Variants in ARHGEF10 observed in about 807,000 individuals in gnomAD.
ARHGEF10 encodes the protein Rho guanine nucleotide exchange factor (GEF) 10.
In ARHGEF10, 140 loss-of-function variants were observed where a neutral mutation model predicts 147.4. The ratio of observed to expected loss-of-function variants is 0.95; its 90% CI spans 0.83 to 1.09. The LOEUF (loss-of-function observed/expected upper bound fraction) is 1.09, where lower values mean the gene tolerates loss of function less well. Ranked by LOEUF, ARHGEF10 falls within the 50% of genes least tolerant of loss-of-function variation. The pLI is 0.00. For missense variants in ARHGEF10, 2,222 were observed against 1,752.7 expected, an observed-to-expected ratio of 1.27 and a Z score of -4.78; for synonymous variants, 902 against 695.8, an observed-to-expected ratio of 1.30 and a Z score of -4.67.
chr8:1,880,159 C>T lies in ARHGEF10; in HGVS notation c.955C>T (p.Leu319=), dbSNP rs1808058989. 1.2e-6 allele frequency: 2 copies of T among 1,611,948 alleles called. No individual in the cohort carries two copies. Among genetic ancestry groups the T allele is most frequent in the Non-Finnish European group, 1.7e-6 (2 of 1,178,116 alleles). ...TCAGCAGCTCAGGCAGAAGCATGAA[C>T]TGAAGGTAGAGTCTTGCCCCCGGCC... The part of the protein sequence containing the change: ...EIQQLRQKHE[L]KMQKLVKAAK... The change falls in exon 9 of 29, where the codon CTG becomes TTG. Residue 319 remains leucine, a synonymous_variant. Transcript: ENST00000349830.
At chr8:1,838,255 G>T (rs1452313208) in intron 1 of ARHGEF10, among the ~76,000 whole-genome samples, 1 of 152,212 alleles carries the variant, frequency 6.6e-6, no homozygotes, top group African/African-American at 2.4e-5. Flanking sequence ...AGCGTCCCAG[G>T]GAAAGATGAC....
chr8:1,825,790 G>A (rs1015420089), intron 1 of ARHGEF10, among the ~76,000 whole-genome samples: 3 of 152,162 alleles, frequency 2.0e-5, no homozygotes, highest in South Asian at 2.1e-4. Context: ...AAGATGTAAC[G>A]GGTTTTAATT....
intron 2 of ARHGEF10, 138 bp from the exon 3 acceptor site, chr8:1,857,822 A>G (rs1469642900): frequency 4.0e-6 from 3 of 755,948 alleles, no homozygotes; most frequent in East Asian, 5.4e-5. Context: ...GGTTAACTAC[A>G]AGCGCAGTAC....
chr8:1,861,900 T>G (rs1260908696), intron 4 of ARHGEF10, among the ~76,000 whole-genome samples: 2 of 152,226 alleles, frequency 1.3e-5, no homozygotes, highest in Non-Finnish European at 2.9e-5. Flanking sequence ...AAAATATTAT[T>G]TGATTATTTA....
At chr8:1,911,568 T>C (rs1287084881) in intron 18 of ARHGEF10, among the ~76,000 whole-genome samples, 1 of 152,224 alleles carries the variant, frequency 6.6e-6, no homozygotes, top group Non-Finnish European at 1.5e-5. Flanking sequence ...CTGTCTTGCA[T>C]TTACAGAGAA....
At chr8:1,890,129 C>T (rs973475324) in intron 11 of ARHGEF10, among the ~76,000 whole-genome samples, 3 of 110,798 alleles carry the variant, frequency 2.7e-5, no homozygotes, top group Non-Finnish European at 3.6e-5. Flanking sequence ...TGTGAGAAAA[C>T]GGAGTGGGGT....
At chr8:1,859,283 T>C (rs73176777) in intron 3 of ARHGEF10, among the ~76,000 whole-genome samples, 23,101 of 117,448 alleles carry the variant, frequency 0.2, 1,137 homozygotes, top group South Asian at 0.31. Context: ...GTTGTTTGCA[T>C]GGTGTTTCTT....
At chr8:1,894,328 C>T in intron 12 of ARHGEF10, 65 bp from the exon 13 acceptor site, 1 of 1,578,918 alleles carries the variant, frequency 6.3e-7, no homozygotes, top group Non-Finnish European at 8.7e-7. Flanking sequence ...GCACCCTGGA[C>T]AACAAAACAA....
At chr8:1,920,626 C>A (rs1812214019) in intron 18 of ARHGEF10, among the ~76,000 whole-genome samples, 1 of 152,128 alleles carries the variant, frequency 6.6e-6, no homozygotes, top group South Asian at 2.1e-4. Context: ...CCACAACCAG[C>A]CTATACTTGT....
At chr8:1,892,287 G>GTGTGTT (rs1229476124) in intron 11 of ARHGEF10, among the ~76,000 whole-genome samples, 2 of 142,978 alleles carry the variant, frequency 1.4e-5, no homozygotes, top group Admixed American at 1.4e-4. Flanking sequence ...CTGTGTGTGT[G>GTGTGTT]TGTGTGTGTG....
At chr8:1,931,014 G>C (rs1221280895) in intron 25 of ARHGEF10, among the ~76,000 whole-genome samples, 1 of 152,230 alleles carries the variant, frequency 6.6e-6, no homozygotes, top group Non-Finnish European at 1.5e-5. Flanking sequence ...CATGATTTCA[G>C]TTCTCCATGG....
chr8:1,884,690 C>T (rs1279063270), intron 10 of ARHGEF10, among the ~76,000 whole-genome samples: 2 of 152,198 alleles, frequency 1.3e-5, no homozygotes, highest in Non-Finnish European at 2.9e-5. Context: ...CTAAAAGTGC[C>T]TGTGCTTTTC....
At chr8:1,945,919 G>GCTGGGAGGAGCCAC in intron 27 of ARHGEF10, 1 of 615,822 alleles carries the variant, frequency 1.6e-6, no homozygotes, top group Non-Finnish European at 2.9e-6. Context: ...GGAGCCGCGT[G>GCTGGGAGGAGCCAC]GCAGTGCCAT....
intron 10 of ARHGEF10, among the ~76,000 whole-genome samples, chr8:1,884,528 C>T (rs1014754144): frequency 6.6e-6 from 1 of 152,126 alleles, no homozygotes; most frequent in Non-Finnish European, 1.5e-5. Flanking sequence ...GCTTTTAAAA[C>T]AGGCTGGTGC....
At chr8:1,955,076 T>C (rs866131633) in intron 28 of ARHGEF10, among the ~76,000 whole-genome samples, 14 of 97,644 alleles carry the variant, frequency 1.4e-4, no homozygotes, top group African/African-American at 2.1e-4. Context: ...TGAAAGGAGG[T>C]GCACTCTCAC....
At chr8:1,905,533 C>A (rs1001557311) in intron 16 of ARHGEF10, 38 bp from the exon 17 acceptor site, 9 of 1,613,918 alleles carry the variant, frequency 5.6e-6, no homozygotes, top group South Asian at 1.1e-5. Context: ...TCCGGGTAAA[C>A]TGAACTGTGG....
At position 1,864,431 on chromosome 8, in the gene ARHGEF10, A is replaced by C. The variant is rs1806411102; in HGVS notation, c.540A>C (p.Pro180=). Residue 180 remains proline (P), a synonymous_variant, in exon 5 of 29, where the codon CCA becomes CCC. Coordinates refer to ENST00000349830, the MANE Select transcript of ARHGEF10 (RefSeq NM_014629.4). The part of the protein sequence containing the change: ...QPNSLSSEEP[P]TSEDQVGRED... The stretch of plus-strand genomic sequence containing the variant: ...ATTCTCTGAGTTCCGAGGAGCCTCC[A>C]ACCAGGTATCTGCATCCGTCTTCCC... 6.2e-7 allele frequency: 1 copy of C among 1,613,868 alleles called. No homozygotes were observed. The highest frequency in any genetic ancestry group is 1.3e-5 in the African/African-American group (1 of 74,914).
At chr8:1,951,615 G>C (rs745590855) in intron 27 of ARHGEF10, among the ~76,000 whole-genome samples, 1 of 152,154 alleles carries the variant, frequency 6.6e-6, no homozygotes, top group Non-Finnish European at 1.5e-5. Flanking sequence ...GTCAAATGCA[G>C]GGATATTTAA....
intron 14 of ARHGEF10, among the ~76,000 whole-genome samples, chr8:1,897,545 C>A (rs113002879): frequency 5.6e-4 from 71 of 127,904 alleles, no homozygotes; most frequent in East Asian, 1.9e-3. Flanking sequence ...CGCAGTTCCC[C>A]CTCTGGACAG....
Sources: gnomAD v4.1 joint callset for allele counts (sites outside exome capture counted in the v4.1 genomes callset) on GRCh38, gnomAD v4.1.1 for gene constraint, MANE v1.5 for transcripts, NCBI Gene and HGNC (gene_info 2026-07-23, HGNC 2026-07-21) for gene names.